NGEF: variants seen among roughly 807,000 people sequenced by gnomAD.
NGEF encodes ephexin-1.
A neutral mutation model predicts 80.9 loss-of-function variants in NGEF; 31 were observed. The ratio of observed to expected loss-of-function variants is 0.38; its 90% confidence interval spans 0.29 to 0.52. The LOEUF (loss-of-function observed/expected upper bound fraction) is 0.52, where lower values mean the gene tolerates loss of function less well. Among genes scored for constraint, NGEF ranks in the 20% least tolerant of loss-of-function variants. NGEF has a pLI of 0.84. For missense variants in NGEF, 709 were observed against 926.2 expected (o/e 0.77, Z 3.04); for synonymous variants, 371 against 370.2 (o/e 1.00, Z -0.03).
At chr2:232,957,138 AG>A (rs1693847908) in intron 3 of NGEF, among the ~76,000 whole-genome samples, 1 of 152,152 alleles carries the variant, frequency 6.6e-6, no homozygotes, top group African/African-American at 2.4e-5. Flanking sequence ...GAAAATTAAA[AG>A]AATAAGTACG....
chr2:232,949,494 T>C (rs1693631525), intron 3 of NGEF, among the ~76,000 whole-genome samples: 1 of 151,956 alleles, frequency 6.6e-6, no homozygotes. Context: ...TTTTTTTTTT[T>C]GAAATGGAGT....
chr2:232,971,437 C>A (rs1694182097), intron 2 of NGEF, among the ~76,000 whole-genome samples: 1 of 152,220 alleles, frequency 6.6e-6, no homozygotes, highest in African/African-American at 2.4e-5. Flanking sequence ...GTAATCCCAG[C>A]ACTTTGGGAG....
chr2:232,983,950 A>C (rs1254028333), intron 1 of NGEF, among the ~76,000 whole-genome samples: 1 of 152,230 alleles, frequency 6.6e-6, no homozygotes, highest in Non-Finnish European at 1.5e-5. Context: ...CTTGCTGCTC[A>C]GTTTTACATC....
At chr2:232,997,008 G>A (rs1694866437) in intron 1 of NGEF, among the ~76,000 whole-genome samples, 2 of 152,138 alleles carry the variant, frequency 1.3e-5, no homozygotes, top group African/African-American at 4.8e-5. Context: ...ACAGTTTATG[G>A]AACTAGAATC....
intron 2 of NGEF, among the ~76,000 whole-genome samples, chr2:232,972,733 A>G (rs1694219325): frequency 7.2e-6 from 1 of 138,206 alleles, no homozygotes; most frequent in Non-Finnish European, 1.5e-5. Flanking sequence ...CTCCCCAGCC[A>G]TGTCCTTATC....
At chr2:233,003,159 G>A (rs956186086) in intron 1 of NGEF, among the ~76,000 whole-genome samples, 6 of 152,262 alleles carry the variant, frequency 3.9e-5, no homozygotes, top group African/African-American at 4.8e-5. Flanking sequence ...AAACCCTCCC[G>A]GGAGGTGGCG....
intron 14 of NGEF, 95 bp downstream of exon 14, chr2:232,881,051 G>C (rs1691484968): frequency 2.1e-6 from 2 of 950,424 alleles, no homozygotes; most frequent in African/African-American, 3.2e-5. Flanking sequence ...ACACCAGCCT[G>C]TCAGACAGTG....
At chr2:232,955,846 C>T (rs76003679) in intron 3 of NGEF, among the ~76,000 whole-genome samples, 11 of 152,172 alleles carry the variant, frequency 7.2e-5, no homozygotes, top group East Asian at 3.9e-4. Context: ...CTCTGACACT[C>T]GTGAAGATTT....
chr2:232,883,474 T>C lies in NGEF; in HGVS notation c.1602-8A>G. 1 of 1,582,308 alleles carries C rather than the reference T, an allele frequency of 6.3e-7. No individual in the cohort carries two copies. The highest frequency in any genetic ancestry group is 8.6e-7 in the Non-Finnish European group (1 of 1,163,490). On this transcript the variant is annotated splice_region_variant and splice_polypyrimidine_tract_variant and intron_variant, in intron 11 of 14. Transcript: ENST00000264051. ...AATACCTGGTACTTGTCTCTGGAGA[T>C]CAGGGAGAAGGGCAGGCGTGTCAGC...
At chr2:233,002,750 C>T (rs1695007290) in intron 1 of NGEF, among the ~76,000 whole-genome samples, 1 of 152,222 alleles carries the variant, frequency 6.6e-6, no homozygotes, top group Admixed American at 6.5e-5. Flanking sequence ...CTCGGTAAGC[C>T]AGACACCAGA....
chr2:232,940,385 C>T (rs983903675), intron 3 of NGEF, among the ~76,000 whole-genome samples: 1 of 152,192 alleles, frequency 6.6e-6, no homozygotes, highest in Non-Finnish European at 1.5e-5. Flanking sequence ...GTCATTTTCC[C>T]CTGGGGGCGG....
chr2:233,004,749 C>T (rs572758707), intron 1 of NGEF, among the ~76,000 whole-genome samples: 16 of 152,230 alleles, frequency 1.1e-4, no homozygotes, highest in Admixed American at 1.0e-3. Context: ...CCCTCACCCC[C>T]CATCGCTGAG....
chr2:232,885,389 A>G lies in NGEF; in HGVS notation c.1348-20T>C, dbSNP rs1051742809. The G allele has an allele frequency of 1.2e-6, 2 of 1,607,826 alleles. No homozygotes were observed. Among genetic ancestry groups the G allele is most frequent in the African/African-American group, 2.7e-5 (2 of 74,774 alleles). On this transcript the variant is annotated intron_variant, in intron 9 of 14. Coordinates refer to ENST00000264051, the MANE Select transcript of NGEF (RefSeq NM_019850.3). Reference sequence around the variant, plus strand: ...CACCACCTGGGACAAGAAGGAGGGCACATCAGGCCACCAAAGCCGGCTGTC... The same window carrying G: ...CACCACCTGGGACAAGAAGGAGGGCGCATCAGGCCACCAAAGCCGGCTGTC...
intron 1 of NGEF, among the ~76,000 whole-genome samples, chr2:233,012,108 C>A (rs1370589634): frequency 6.6e-6 from 1 of 152,094 alleles, no homozygotes; most frequent in Non-Finnish European, 1.5e-5. Context: ...AGAGAAGGGG[C>A]AGGGAGGACA....
intron 5 of NGEF, among the ~76,000 whole-genome samples, chr2:232,901,926 G>T (rs1322847388): frequency 6.6e-6 from 1 of 152,254 alleles, no homozygotes; most frequent in Non-Finnish European, 1.5e-5. Flanking sequence ...AGCTATCAGG[G>T]CCACCTGGGC....
chr2:232,993,926 C>T (rs4973062), intron 1 of NGEF, among the ~76,000 whole-genome samples: 96,959 of 151,862 alleles, frequency 0.64, 31,762 homozygotes, highest in East Asian at 0.92. Flanking sequence ...TTGTGGGAGA[C>T]GCAGAGTGAG....
In NGEF at chr2:232,927,097, C is replaced by T. The variant is rs1242058773; in HGVS notation, c.473G>A (p.Arg158Gln). Residue 158 changes from arginine to glutamine, a missense_variant, in exon 4 of 15, where the codon CGG (arginine) becomes CAG (glutamine). Arg to Gln is a conservative substitution (Grantham distance 43). Transcript: ENST00000264051. ...GTCGGCGGGAATGGGGTGGATCATC[C>T]GCAGGGCCTCGGTGAGCGTGGTGGG... ...DSPTTLTEAL[R>Q]MIHPIPADSW... The T allele has an allele frequency of 1.9e-6, 3 of 1,613,618 alleles. No homozygotes were observed. The highest frequency in any genetic ancestry group is 1.3e-5 in the African/African-American group (1 of 74,930).
intron 2 of NGEF, among the ~76,000 whole-genome samples, chr2:232,970,783 C>G (rs1177684363): frequency 7.1e-6 from 1 of 140,734 alleles, no homozygotes; most frequent in Non-Finnish European, 1.5e-5. Context: ...CCACTGCACT[C>G]CAGCCTGGGT....
At chr2:232,915,145 G>T (rs1458472848) in intron 5 of NGEF, among the ~76,000 whole-genome samples, 10 of 152,192 alleles carry the variant, frequency 6.6e-5, no homozygotes, top group Admixed American at 4.6e-4. Flanking sequence ...AGTCCTCTGG[G>T]TGCCACATCT....
Sources: gnomAD v4.1 joint callset for allele counts (sites outside exome capture counted in the v4.1 genomes callset) on GRCh38, gnomAD v4.1.1 for gene constraint, MANE v1.5 for transcripts, NCBI Gene and HGNC (gene_info 2026-07-23, HGNC 2026-07-21) for gene names.